PDK1: variants seen among roughly 807,000 people sequenced by gnomAD.
PDK1 encodes the protein [Pyruvate dehydrogenase (acetyl-transferring)] kinase isozyme 1, mitochondrial.
Under a neutral mutation model 54.2 loss-of-function variants are expected in PDK1, and 39 were observed. The ratio of observed to expected loss-of-function variants is 0.72; its 90% confidence interval spans 0.56 to 0.94. The LOEUF (loss-of-function observed/expected upper bound fraction) is 0.94. Ranked by LOEUF, PDK1 falls within the 40% of genes least tolerant of loss-of-function variation. PDK1 has a pLI of 0.00. For synonymous variants in PDK1, 221 were observed against 207.1 expected, an observed-to-expected ratio of 1.07 and a Z score of -0.58; for missense variants, 552 against 566.0, an observed-to-expected ratio of 0.98 and a Z score of 0.25.
chr2:172,561,933 T>C (rs1386670843), intron 2 of PDK1, among the ~76,000 whole-genome samples: 4 of 152,082 alleles, frequency 2.6e-5, no homozygotes, highest in Non-Finnish European at 5.9e-5. Context: ...TGTACAGTGG[T>C]AAATTAAAAA....
chr2:172,684,187 C>T, the PDK1 span, among the ~76,000 whole-genome samples: 1 of 152,090 alleles, frequency 6.6e-6, no homozygotes, highest in African/African-American at 2.4e-5. Context: ...TTGGGAGGCC[C>T]AGGCAGGTGG....
chr2:172,646,211 C>T, the PDK1 span, among the ~76,000 whole-genome samples: 3 of 152,282 alleles, frequency 2.0e-5, no homozygotes, highest in East Asian at 5.8e-4. Context: ...GAGTGATTCT[C>T]ATACAAAAGG....
chr2:172,656,001 G>A, the PDK1 span, among the ~76,000 whole-genome samples: 9 of 152,154 alleles, frequency 5.9e-5, no homozygotes, highest in Non-Finnish European at 1.3e-4. Flanking sequence ...CAATAAAGAT[G>A]AGTCATCTTT....
At chr2:172,594,799 TG>T (rs1476313248) in intron 10 of PDK1, among the ~76,000 whole-genome samples, 18 of 152,292 alleles carry the variant, frequency 1.2e-4, no homozygotes, top group African/African-American at 4.1e-4. Flanking sequence ...GAAATACTAC[TG>T]AAAAATCCTA....
chr2:172,555,950 G>A (rs1055100890), upstream of PDK1: 2 of 394,336 alleles, frequency 5.1e-6, no homozygotes, highest in African/African-American at 2.1e-5. Context: ...GCAAGCGCCC[G>A]CCCCTTTTCT....
intron 10 of PDK1, among the ~76,000 whole-genome samples, chr2:172,594,254 A>G (rs1646872752): frequency 6.6e-6 from 1 of 151,966 alleles, no homozygotes. Flanking sequence ...CGAACTCCTG[A>G]CCTCAGGTGA....
chr2:172,587,145 C>G (rs183837235), intron 9 of PDK1, among the ~76,000 whole-genome samples: 5 of 152,280 alleles, frequency 3.3e-5, no homozygotes, highest in African/African-American at 1.2e-4. Flanking sequence ...AGTTTTGTGT[C>G]CGGAATTGGT....
the PDK1 span, among the ~76,000 whole-genome samples, chr2:172,629,636 G>A: frequency 0.015 from 2,252 of 152,234 alleles, 38 homozygotes; most frequent in South Asian, 0.028. Context: ...CTTCCTGGAC[G>A]CCAAACAAGA....
At chr2:172,645,489 C>T in the PDK1 span, among the ~76,000 whole-genome samples, 1 of 151,966 alleles carries the variant, frequency 6.6e-6, no homozygotes, top group African/African-American at 2.4e-5. Context: ...GAACTCCTGA[C>T]CTCAAGTGAT....
the PDK1 span, among the ~76,000 whole-genome samples, chr2:172,700,333 C>A: frequency 2.7e-5 from 4 of 147,866 alleles, no homozygotes; most frequent in African/African-American, 1.0e-4. Context: ...ACGGGGCGGC[C>A]GGGCAGAGGC....
chr2:172,704,730 G>T, the PDK1 span, among the ~76,000 whole-genome samples: 375 of 152,264 alleles, frequency 2.5e-3, 2 homozygotes, highest in African/African-American at 8.2e-3. Context: ...CCATATATGT[G>T]TATAAAATTA....
In PDK1 at chr2:172,586,304, T is replaced by C. The variant is rs1690223586; in HGVS notation, c.972T>C (p.Pro324=). 1.2e-6 allele frequency: 2 copies of C among 1,613,042 alleles called. No homozygotes were observed. Among genetic ancestry groups the C allele is most frequent in the Non-Finnish European group, 8.5e-7 (1 of 1,179,082 alleles). Residue 324 remains proline (P), a synonymous_variant, in exon 9 of 11, where the codon CCT becomes CCC. Transcript: ENST00000282077. Reference sequence around the variant, plus strand: ...TGAGTGACCGAGGAGGTGGCGTTCCTTTGAGGAAAATTGACAGACTTTTCA... The same window carrying C: ...TGAGTGACCGAGGAGGTGGCGTTCCCTTGAGGAAAATTGACAGACTTTTCA... The part of the protein sequence containing the change: ...VKMSDRGGGV[P]LRKIDRLFNY...
the PDK1 span, among the ~76,000 whole-genome samples, chr2:172,677,887 G>T: frequency 6.6e-6 from 1 of 152,188 alleles, no homozygotes; most frequent in Non-Finnish European, 1.5e-5. Context: ...AGGGAAATTA[G>T]GCCGGGTGCG....
At chr2:172,675,781 A>C in the PDK1 span, among the ~76,000 whole-genome samples, 1 of 152,346 alleles carries the variant, frequency 6.6e-6, no homozygotes, top group Non-Finnish European at 1.5e-5. Context: ...ACAAATTTTC[A>C]ATTTAGAAAA....
Position 172,564,958 on chromosome 2 carries a change from T to G in PDK1, c.596-20T>G. ...TAGGTGGTTTAGCTTATTTTGTTGG[T>G]TTTTTTCCTTTTTGGATAGCTTTAT... On this transcript the variant is annotated intron_variant, in intron 4 of 10. Coordinates refer to ENST00000282077, the MANE Select transcript of PDK1 (RefSeq NM_002610.5). The G allele has an allele frequency of 1.3e-6, 2 of 1,564,466 alleles. No individual in the cohort carries two copies. Among genetic ancestry groups the G allele is most frequent in the Non-Finnish European group, 1.8e-6 (2 of 1,135,824 alleles).
the PDK1 span, among the ~76,000 whole-genome samples, chr2:172,664,357 G>T: frequency 1.5e-5 from 2 of 133,842 alleles, no homozygotes; most frequent in Non-Finnish European, 3.1e-5. Context: ...TTTATATGTT[G>T]GTTTTGAAAT....
the PDK1 span, among the ~76,000 whole-genome samples, chr2:172,651,354 T>C: frequency 2.6e-5 from 4 of 152,176 alleles, no homozygotes; most frequent in Non-Finnish European, 5.9e-5. Context: ...TAGCACTAAA[T>C]GCCCACAAGG....
upstream of PDK1, chr2:172,555,818 G>A (rs142144862): frequency 2.2e-3 from 503 of 227,138 alleles, 2 homozygotes; most frequent in Middle Eastern, 3.9e-3. Flanking sequence ...GGGGACGGCC[G>A]ACACGCTCAC....
chr2:172,592,400 C>G (rs1478692404), intron 9 of PDK1, among the ~76,000 whole-genome samples: 6 of 151,624 alleles, frequency 4.0e-5, no homozygotes, highest in Non-Finnish European at 7.4e-5. Context: ...TCTCTGACTC[C>G]CTCTTTGTCC....
Sources: allele counts gnomAD v4.1 joint callset (sites outside exome capture counted in the v4.1 genomes callset), GRCh38; gene constraint gnomAD v4.1.1; transcripts MANE v1.5; gene names NCBI Gene and HGNC (gene_info 2026-07-23, HGNC 2026-07-21).